Variants in BMPER observed in about 807,000 individuals in gnomAD.
BMPER encodes BMP binding endothelial regulator, also known as BMP-binding endothelial regulator protein.
A neutral mutation model predicts 87.3 loss-of-function variants in BMPER; 45 were observed. That is an observed-to-expected ratio of 0.52 (90% CI 0.41 to 0.66). The LOEUF (loss-of-function observed/expected upper bound fraction) is 0.66. Ranked by LOEUF, BMPER falls within the 30% of genes least tolerant of loss-of-function variation. The probability of loss-of-function intolerance (pLI) is 0.00; values close to 1 mark genes in which losing one functional copy is unlikely to be tolerated. For missense variants in BMPER, 784 were observed against 867.5 expected (o/e 0.90, Z 1.21); for synonymous variants, 326 against 316.2 (o/e 1.03, Z -0.33).
chr7:33,945,126 A>G (rs1238737708), intron 3 of BMPER, among the ~76,000 whole-genome samples: 1 of 151,794 alleles, frequency 6.6e-6, no homozygotes. Flanking sequence ...TATTTTTAGT[A>G]GAGACAGGGT....
intron 6 of BMPER, among the ~76,000 whole-genome samples, chr7:34,022,461 G>A (rs147459869): frequency 2.0e-5 from 3 of 151,896 alleles, no homozygotes; most frequent in African/African-American, 7.2e-5. Flanking sequence ...ATTCGAGACT[G>A]CAAAACATTC....
intron 14 of BMPER, 34 bp downstream of exon 14, chr7:34,143,394 G>A: frequency 6.2e-7 from 1 of 1,612,876 alleles, no homozygotes; most frequent in Non-Finnish European, 8.5e-7. Context: ...CCCATCAAAA[G>A]TTTACTGCAA....
intron 14 of BMPER, among the ~76,000 whole-genome samples, chr7:34,144,864 A>T (rs1016924917): frequency 3.9e-5 from 6 of 152,328 alleles, no homozygotes; most frequent in Middle Eastern, 3.4e-3. Context: ...CTTAGCTCAC[A>T]TCTCAGAAGA....
At chr7:34,058,602 A>T (rs1320296659) in intron 10 of BMPER, among the ~76,000 whole-genome samples, 1 of 152,226 alleles carries the variant, frequency 6.6e-6, no homozygotes, top group Non-Finnish European at 1.5e-5. Flanking sequence ...GCCTCACGGC[A>T]TCCCCGATTT....
At chr7:34,015,642 T>C (rs1312132607) in intron 6 of BMPER, among the ~76,000 whole-genome samples, 1 of 151,950 alleles carries the variant, frequency 6.6e-6, no homozygotes, top group Non-Finnish European at 1.5e-5. Flanking sequence ...CCCTATGCAG[T>C]TGAGCACATG....
chr7:34,122,604 T>C (rs1016437632), intron 13 of BMPER, among the ~76,000 whole-genome samples: 1 of 152,196 alleles, frequency 6.6e-6, no homozygotes, highest in Admixed American at 6.5e-5. Flanking sequence ...ACTCCTTTTG[T>C]TGGAGAGAAA....
At chr7:33,991,471 A>G (rs1786216317) in intron 6 of BMPER, among the ~76,000 whole-genome samples, 1 of 152,038 alleles carries the variant, frequency 6.6e-6, no homozygotes, top group Non-Finnish European at 1.5e-5. Context: ...TATCCCCTGT[A>G]TCATTTTTTA....
chr7:34,134,082 C>CGCCCT (rs1790659348), intron 13 of BMPER, among the ~76,000 whole-genome samples: 1 of 152,180 alleles, frequency 6.6e-6, no homozygotes. Flanking sequence ...TGGCCCATCT[C>CGCCCT]GCCCTGCCCT....
rs146001878 is a variant in BMPER at position 34,017,403 on chromosome 7, T to C, written c.577-28903T>C. Among the ~76,000 whole-genome samples the C allele has an allele frequency of 9.8e-4, 149 of 151,888 alleles. 4 individuals are homozygous for C. In the East Asian group the frequency reaches 0.011, roughly 11 times the overall value. ...AATGGAGGACTCACATCTTAAATGG[T>C]GGCAGGCAAAAGAGAGCTTGTGTGG... On this transcript the variant is annotated intron_variant, in intron 6 of 14. Transcript: ENST00000649409.
intron 13 of BMPER, among the ~76,000 whole-genome samples, chr7:34,128,537 G>T (rs1192774896): frequency 6.6e-6 from 1 of 152,286 alleles, no homozygotes; most frequent in South Asian, 2.1e-4. Flanking sequence ...CCCTTTAGCT[G>T]CTGGAAGTAA....
At chr7:33,907,014 T>A in intron 2 of BMPER, 111 bp downstream of exon 2, 2 of 1,066,346 alleles carry the variant, frequency 1.9e-6, no homozygotes, top group Non-Finnish European at 2.8e-6. Flanking sequence ...CATTACAAAA[T>A]TGCACATAAC....
chr7:34,127,942 T>C (rs917878100), intron 13 of BMPER, among the ~76,000 whole-genome samples: 5 of 152,236 alleles, frequency 3.3e-5, no homozygotes, highest in African/African-American at 1.2e-4. Context: ...CTTGCTTTCC[T>C]GATGCGTATT....
intron 8 of BMPER, among the ~76,000 whole-genome samples, chr7:34,054,054 T>C (rs542348776): frequency 4.6e-5 from 7 of 152,234 alleles, no homozygotes; most frequent in Non-Finnish European, 1.0e-4. Context: ...CTTACCTGGA[T>C]AGGTAACTTT....
intron 2 of BMPER, among the ~76,000 whole-genome samples, chr7:33,934,255 A>G (rs1784549656): frequency 6.6e-6 from 1 of 152,170 alleles, no homozygotes; most frequent in Non-Finnish European, 1.5e-5. Context: ...TTTACTCTGT[A>G]GCTGCTGGAC....
At chr7:34,046,226 G>A in intron 6 of BMPER, 80 bp from the exon 7 acceptor site, 1 of 1,369,100 alleles carries the variant, frequency 7.3e-7, no homozygotes, top group Non-Finnish European at 1.0e-6. Context: ...AGGGCCTTAG[G>A]TTTGTTCTAG....
intron 12 of BMPER, among the ~76,000 whole-genome samples, chr7:34,082,328 GTTT>G (rs55748957): frequency 1.5e-4 from 18 of 116,436 alleles, no homozygotes; most frequent in African/African-American, 4.5e-4. Flanking sequence ...CAACTTATTA[GTTT>G]TTTTTTTTTT....
chr7:34,112,822 T>G (rs1421206212), intron 13 of BMPER, among the ~76,000 whole-genome samples: 1 of 152,052 alleles, frequency 6.6e-6, no homozygotes, highest in Non-Finnish European at 1.5e-5. Context: ...TTACAAATAT[T>G]AACTCATTTA....
intron 13 of BMPER, among the ~76,000 whole-genome samples, chr7:34,123,987 C>A (rs562001991): frequency 6.6e-6 from 1 of 152,302 alleles, no homozygotes; most frequent in South Asian, 2.1e-4. Context: ...ATGCTTGGCA[C>A]ATAGAGAGTA....
chr7:33,940,952 T>C (rs1446662522), intron 3 of BMPER, among the ~76,000 whole-genome samples: 5 of 132,564 alleles, frequency 3.8e-5, no homozygotes, highest in Admixed American at 3.3e-4. Context: ...ATATGTAACA[T>C]ATATATTTAT....
Sources: gnomAD v4.1 joint callset for allele counts (sites outside exome capture counted in the v4.1 genomes callset) on GRCh38, gnomAD v4.1.1 for gene constraint, MANE v1.5 for transcripts, NCBI Gene and HGNC (gene_info 2026-07-23, HGNC 2026-07-21) for gene names.